GABRA2: variants seen among roughly 807,000 people sequenced by gnomAD.
GABRA2 encodes gamma-aminobutyric acid type A receptor subunit alpha2, also known as gamma-aminobutyric acid receptor subunit alpha-2.
Under a neutral mutation model 48.7 loss-of-function variants are expected in GABRA2, and 16 were observed. The observed-to-expected ratio is 0.33, with a 90% CI of 0.22 to 0.50. The LOEUF is 0.50. GABRA2 is among the 20% of genes least tolerant of loss of function. The pLI, the probability that GABRA2 is intolerant of heterozygous loss-of-function variation, is 0.98. For synonymous variants in GABRA2, 185 were observed against 184.5 expected, an observed-to-expected ratio of 1.00 and a Z score of -0.02; for missense variants, 275 against 535.6, an observed-to-expected ratio of 0.51 and a Z score of 4.80.
chr4:46,362,676 G>A (rs1023545567), intron 3 of GABRA2, among the ~76,000 whole-genome samples: 1 of 152,154 alleles, frequency 6.6e-6, no homozygotes, highest in Non-Finnish European at 1.5e-5. Flanking sequence ...AAGCAACTAA[G>A]TAAATGATTT....
At chr4:46,279,935 A>T (rs1418860285) in intron 8 of GABRA2, among the ~76,000 whole-genome samples, 1 of 152,132 alleles carries the variant, frequency 6.6e-6, no homozygotes, top group African/African-American at 2.4e-5. Context: ...TATAGATTGT[A>T]TAAGTTTTCG....
chr4:46,299,566 GA>G (rs960674833), intron 8 of GABRA2, among the ~76,000 whole-genome samples: 3 of 148,064 alleles, frequency 2.0e-5, no homozygotes, highest in East Asian at 2.0e-4. Flanking sequence ...TTCCAAGATT[GA>G]AAAAAAAATG....
chr4:46,323,199 G>A lies in GABRA2; in HGVS notation c.255+9416C>T, dbSNP rs558117106. On this transcript the variant is annotated intron_variant, in intron 4 of 9. Coordinates refer to ENST00000381620, the MANE Select transcript of GABRA2 (RefSeq NM_000807.4). Reference sequence around the variant, plus strand: ...CTATAACTTTTTACGGGGTCACTATGGTCTTCTTAGTCTTTATGGCCTTTA... The same window carrying A: ...CTATAACTTTTTACGGGGTCACTATAGTCTTCTTAGTCTTTATGGCCTTTA... 3.3e-5 allele frequency among the ~76,000 whole-genome samples: 5 copies of A among 151,942 alleles called. No individual in the cohort carries two copies. In the South Asian group the frequency reaches 1.0e-3, roughly 31 times the overall value.
intron 3 of GABRA2, among the ~76,000 whole-genome samples, chr4:46,352,959 A>G (rs1735383715): frequency 6.6e-6 from 1 of 152,058 alleles, no homozygotes; most frequent in Non-Finnish European, 1.5e-5. Flanking sequence ...TTCTCTCAGC[A>G]GTAGAGTTGT....
At chr4:46,306,376 C>G (rs1726703472) in intron 6 of GABRA2, among the ~76,000 whole-genome samples, 1 of 152,124 alleles carries the variant, frequency 6.6e-6, no homozygotes, top group Non-Finnish European at 1.5e-5. Flanking sequence ...AAACTGCAAC[C>G]AGATCAGACA....
intron 3 of GABRA2, chr4:46,366,694 C>T (rs940433851): frequency 3.3e-5 from 5 of 152,014 alleles, no homozygotes; most frequent in Admixed American, 2.0e-4. Context: ...TAGCATGGCA[C>T]CTCAATCTCA....
At chr4:46,373,536 A>G (rs1269006505) in intron 3 of GABRA2, among the ~76,000 whole-genome samples, 1 of 152,180 alleles carries the variant, frequency 6.6e-6, no homozygotes, top group African/African-American at 2.4e-5. Flanking sequence ...ATATTTTAAT[A>G]TAATTATTAC....
At chr4:46,289,387 C>A (rs189571142) in intron 8 of GABRA2, among the ~76,000 whole-genome samples, 3 of 152,138 alleles carry the variant, frequency 2.0e-5, no homozygotes, top group Non-Finnish European at 4.4e-5. Flanking sequence ...AATGAGATCA[C>A]GTCCTTTGCA....
chr4:46,273,836 C>A (rs1719964788), intron 8 of GABRA2, among the ~76,000 whole-genome samples: 1 of 151,912 alleles, frequency 6.6e-6, no homozygotes, highest in South Asian at 2.1e-4. Flanking sequence ...TGCCTTCCAG[C>A]AAACGGAAAG....
Position 46,384,301 on chromosome 4 carries a change from A to G in GABRA2, c.187+1773T>C, listed in dbSNP as rs1024636232. Among the ~76,000 whole-genome samples the G allele has an allele frequency of 3.9e-5, 6 of 152,354 alleles. No individual in the cohort carries two copies. The South Asian group carries it at 6.2e-4, about 16-fold the overall frequency. ...AAGAAGACTGACCTGACTGTGAGAT[A>G]TTAGCATATGTTCAATATCAGAGGA... On this transcript the variant is annotated intron_variant, in intron 3 of 9. Transcript: ENST00000381620.
chr4:46,368,783 A>G, intron 3 of GABRA2: 1 of 420,822 alleles, frequency 2.4e-6, no homozygotes, highest in Non-Finnish European at 4.2e-6. Context: ...CTTTTGAAAA[A>G]TAATTGGAAT....
At chr4:46,251,342 T>C (rs1311040987) in intron 9 of GABRA2, among the ~76,000 whole-genome samples, 3 of 151,560 alleles carry the variant, frequency 2.0e-5, no homozygotes, top group Non-Finnish European at 4.4e-5. Context: ...TCATTTAACT[T>C]CTATGCTTAC....
At chr4:46,351,091 T>C (rs1308291791) in intron 3 of GABRA2, among the ~76,000 whole-genome samples, 1 of 150,916 alleles carries the variant, frequency 6.6e-6, no homozygotes, top group South Asian at 2.1e-4. Context: ...CAACTCATTT[T>C]ATTACATGGT....
In GABRA2 at chr4:46,249,273, C is replaced by T. The variant is rs1189582811; in HGVS notation, c.*1035G>A. 2.0e-5 allele frequency: 3 copies of T among 151,436 alleles called. No individual in the cohort carries two copies. The highest frequency in any genetic ancestry group is 4.4e-5 in the Non-Finnish European group (3 of 67,688). The allele number at this position is 151,436 out of a possible 1,614,324, so 9.4% of individuals were successfully genotyped here. ...CACAAGAGAAAAATGTGCCAATTAA[C>T]TGCCCTTTCCTTTATAATTAGTGGC... On this transcript the variant is annotated 3_prime_UTR_variant, in exon 10 of 10. Transcript: ENST00000381620.
intron 3 of GABRA2, among the ~76,000 whole-genome samples, chr4:46,351,303 G>A (rs1484077938): frequency 2.0e-5 from 3 of 151,864 alleles, no homozygotes; most frequent in Middle Eastern, 3.4e-3. Flanking sequence ...TTCACTAGAC[G>A]GGAGAGAGAT....
chr4:46,370,231 T>C (rs1324194576), intron 3 of GABRA2, among the ~76,000 whole-genome samples: 1 of 151,988 alleles, frequency 6.6e-6, no homozygotes, highest in East Asian at 1.9e-4. Context: ...GTGAATAAAC[T>C]ACATATAGGT....
chr4:46,388,114 T>C (rs1236913160), intron 2 of GABRA2, among the ~76,000 whole-genome samples: 1 of 152,106 alleles, frequency 6.6e-6, no homozygotes, highest in Non-Finnish European at 1.5e-5. Context: ...AATCTAGCTT[T>C]TGTTTCATTG....
intron 3 of GABRA2, among the ~76,000 whole-genome samples, chr4:46,375,428 T>C (rs1245890387): frequency 6.6e-6 from 1 of 152,190 alleles, no homozygotes; most frequent in African/African-American, 2.4e-5. Flanking sequence ...GTCTAGTTTT[T>C]TTTTCTTTTA....
chr4:46,255,210 G>A (rs768931504), intron 9 of GABRA2, among the ~76,000 whole-genome samples: 4 of 151,624 alleles, frequency 2.6e-5, no homozygotes, highest in Non-Finnish European at 1.5e-5. Context: ...AGAAACGTTT[G>A]CTTAATGATA....
Sources: allele counts gnomAD v4.1 joint callset (sites outside exome capture counted in the v4.1 genomes callset), GRCh38; gene constraint gnomAD v4.1.1; transcripts MANE v1.5; gene names NCBI Gene and HGNC (gene_info 2026-07-23, HGNC 2026-07-21).